GRK7: variants seen among roughly 807,000 people sequenced by gnomAD.
The protein encoded by GRK7 is G protein-coupled receptor kinase 7.
GRK7 carries 24 observed loss-of-function variants against 34.1 expected under a neutral mutation model. That is an observed-to-expected ratio of 0.70 (90% CI 0.51 to 0.99). The LOEUF (loss-of-function observed/expected upper bound fraction) is 0.99, where lower values mean the gene tolerates loss of function less well. GRK7 is among the 50% of genes least tolerant of loss of function. The pLI is 0.00. For missense variants in GRK7, 644 were observed against 707.3 expected (o/e 0.91, Z 1.02); for synonymous variants, 256 against 279.4 (o/e 0.92, Z 0.84).
In GRK7 at chr3:141,813,374, G is replaced by A. The variant is rs138899316; in HGVS notation, c.1326-3340G>A. On this transcript the variant is annotated intron_variant, in intron 5 of 5. Transcript: ENST00000682958. ...ACTCCTGGCCTCAGGAGATCCACCC[G>A]CTTTGGCCTCCCAAAATGCTGGGAT... 6.2e-4 allele frequency among the ~76,000 whole-genome samples: 94 copies of A among 152,270 alleles called. No individual in the cohort carries two copies. In the East Asian group the frequency reaches 0.017, roughly 28 times the overall value.
At chr3:141,784,763 A>T (rs1372079655) in intron 4 of GRK7, among the ~76,000 whole-genome samples, 1 of 152,176 alleles carries the variant, frequency 6.6e-6, no homozygotes, top group African/African-American at 2.4e-5. Context: ...TCAAAATTTG[A>T]TGTGTTGGAA....
rs1711163788 is a variant in GRK7, at chr3:141,817,137, C to T, written c.*87C>T. 9.5e-7 allele frequency: 1 copy of T among 1,049,210 alleles called. No homozygotes were observed. Among genetic ancestry groups the T allele is most frequent in the African/African-American group, 1.6e-5 (1 of 63,038 alleles). The allele number at this position is 1,049,210 out of a possible 1,614,324, so 65.0% of individuals were successfully genotyped here. On this transcript the variant is annotated 3_prime_UTR_variant, in exon 6 of 6. Coordinates refer to ENST00000682958, the MANE Select transcript of GRK7 (RefSeq NM_139209.3). Reference sequence around the variant, plus strand: ...CACGTGGAAATCTGTGGAATGAGGGCTAATCAGTTAGGAGGGACATCACAA... The same window carrying T: ...CACGTGGAAATCTGTGGAATGAGGGTTAATCAGTTAGGAGGGACATCACAA...
At chr3:141,788,317 G>A (rs1230797774) in intron 4 of GRK7, among the ~76,000 whole-genome samples, 1 of 152,122 alleles carries the variant, frequency 6.6e-6, no homozygotes, top group African/African-American at 2.4e-5. Context: ...TATCTAAAAT[G>A]AAAGAGAAAG....
At chr3:141,759,188 C>A (rs1301651891), upstream of GRK7, among the ~76,000 whole-genome samples, 4 of 131,646 alleles carry the variant, frequency 3.0e-5, no homozygotes, top group Non-Finnish European at 5.0e-5. Flanking sequence ...ACTTCCAACA[C>A]TATGTTGAAT....
Position 141,790,212 on chromosome 3 carries a change from A to G in GRK7, c.1050+9401A>G, listed in dbSNP as rs377553365. The stretch of plus-strand genomic sequence containing the variant: ...GAGACAGGGTTTCACCGAGTTAACC[A>G]GGGTGGTCTTGATCTCCTGACATGA... On this transcript the variant is annotated intron_variant, in intron 4 of 5. Transcript: ENST00000682958. Among the ~76,000 whole-genome samples the G allele has an allele frequency of 1.1e-4, 16 of 152,346 alleles. 1 individual carries two copies. Among genetic ancestry groups the G allele is most frequent in the Middle Eastern group, 3.4e-3 (1 of 294 alleles).
In GRK7 at chr3:141,776,307, T is replaced by TTA. The variant is rs1559839557; in HGVS notation, c.-114+1627_-114+1628insTA. Among the ~76,000 whole-genome samples, 629 of 151,428 alleles carry TTA rather than the reference T, an allele frequency of 4.2e-3. 9 individuals are homozygous for TTA. Among genetic ancestry groups the TTA allele is most frequent in the African/African-American group, 0.015 (605 of 41,358 alleles). Reference sequence around the variant, plus strand: ...GTCTCAAAATAAAAATTAAAAAAAATAAAAAATATATATAAATATGTATAT... The same window carrying TTA: ...GTCTCAAAATAAAAATTAAAAAAAATTAAAAAAATATATATAAATATGTATAT... On this transcript the variant is annotated intron_variant, in intron 2 of 5. Transcript: ENST00000682958.
In GRK7 at chr3:141,778,814, AGTGGAAAC is replaced by A. The variant is rs1559840531; in HGVS notation, c.531_538del (p.Gln177HisfsTer14). 6.2e-7 allele frequency: 1 copy of A among 1,610,870 alleles called. No homozygotes were observed. Among genetic ancestry groups the A allele is most frequent in the Admixed American group, 1.7e-5 (1 of 59,388 alleles). On this transcript the variant is annotated frameshift_variant, in exon 3 of 6. Transcript: ENST00000682958. LOFTEE classifies it high-confidence loss of function. This position sits in a 1 kb window ranked among gnomAD's most constrained non-coding sequence, Gnocchi z 4.1. The stretch of plus-strand genomic sequence containing the variant: ...AGCGCCTTCTACGACAAGTTTCTGC[AGTGGAAAC>A]TCTTCGAGATGCAACCAGTGTCAGA...
chr3:141,760,354 G>T (rs1577906596), upstream of GRK7, among the ~76,000 whole-genome samples: 1 of 139,368 alleles, frequency 7.2e-6, no homozygotes, highest in African/African-American at 2.7e-5. Flanking sequence ...CTTTATTTCT[G>T]CCTTCATTTC....
chr3:141,813,977 T>G (rs1286448399), intron 5 of GRK7, among the ~76,000 whole-genome samples: 3 of 152,220 alleles, frequency 2.0e-5, no homozygotes, highest in African/African-American at 7.2e-5. Flanking sequence ...TCCTCATTCT[T>G]GTTATTAGTT....
At chr3:141,775,699 T>C (rs1442273874) in intron 2 of GRK7, among the ~76,000 whole-genome samples, 2 of 152,122 alleles carry the variant, frequency 1.3e-5, no homozygotes, top group African/African-American at 4.8e-5. Context: ...AAATATCCCA[T>C]TGGCAACTTT....
At chr3:141,756,215 G>A in the GRK7 span, among the ~76,000 whole-genome samples, 3 of 151,944 alleles carry the variant, frequency 2.0e-5, no homozygotes, top group African/African-American at 7.3e-5. Context: ...AGGAGGCTAA[G>A]GCAAGAGAAT....
At chr3:141,766,949 C>G (rs2084584114) in intron 1 of GRK7, among the ~76,000 whole-genome samples, 1 of 152,228 alleles carries the variant, frequency 6.6e-6, no homozygotes, top group East Asian at 1.9e-4. Flanking sequence ...ATACCAATTA[C>G]TTCATTTTCT....
At chr3:141,754,122 A>G in the GRK7 span, among the ~76,000 whole-genome samples, 3 of 152,364 alleles carry the variant, frequency 2.0e-5, no homozygotes, top group African/African-American at 2.4e-5. Context: ...ACACTTGGCA[A>G]CAAATATCAG....
intron 4 of GRK7, among the ~76,000 whole-genome samples, chr3:141,790,490 T>C (rs2084719057): frequency 6.6e-6 from 1 of 151,846 alleles, no homozygotes; most frequent in Admixed American, 6.6e-5. Flanking sequence ...ATGACGGCCA[T>C]TAATATTTCA....
chr3:141,751,575 TAAC>T, the GRK7 span, among the ~76,000 whole-genome samples: 1 of 152,228 alleles, frequency 6.6e-6, no homozygotes, highest in Admixed American at 6.5e-5. Context: ...CTATTGTATG[TAAC>T]AACATGTGGT....
chr3:141,766,288 C>T (rs993834785), intron 1 of GRK7, among the ~76,000 whole-genome samples: 3 of 152,016 alleles, frequency 2.0e-5, no homozygotes, highest in South Asian at 2.1e-4. Context: ...CTCAGCCTCC[C>T]GAGTAGCTGG....
chr3:141,781,536 CAA>C (rs35546502), intron 4 of GRK7, among the ~76,000 whole-genome samples: 6 of 86,552 alleles, frequency 6.9e-5, no homozygotes, highest in Admixed American at 2.6e-4. Flanking sequence ...GACTCTGTCT[CAA>C]AAAAAAAAAA....
chr3:141,781,579 TAAAG>T (rs1255495921), intron 4 of GRK7, among the ~76,000 whole-genome samples: 2 of 145,606 alleles, frequency 1.4e-5, no homozygotes, highest in South Asian at 2.2e-4. Flanking sequence ...AGAAAAAAAA[TAAAG>T]AAAGAAGGAA....
chr3:141,798,530 C>A (rs1326576595), intron 4 of GRK7, among the ~76,000 whole-genome samples: 1 of 152,176 alleles, frequency 6.6e-6, no homozygotes, highest in Non-Finnish European at 1.5e-5. Context: ...CTGGGCATGG[C>A]GGTTCTGGTC....
Sources: allele counts gnomAD v4.1 joint callset (sites outside exome capture counted in the v4.1 genomes callset), GRCh38; gene constraint gnomAD v4.1.1; non-coding constraint Gnocchi (gnomAD v3.1); transcripts MANE v1.5; gene names NCBI Gene and HGNC (gene_info 2026-07-23, HGNC 2026-07-21).